The following DNAH8 variants were observed in gnomAD, a reference collection of about 807,000 sequenced individuals.
DNAH8 encodes axonemal beta dynein heavy chain 8.
In DNAH8, 382 loss-of-function variants were observed where a neutral mutation model predicts 562.1. The observed-to-expected ratio is 0.68, with a 90% CI of 0.63 to 0.74. The LOEUF (loss-of-function observed/expected upper bound fraction) is 0.74. Ranked by LOEUF, DNAH8 falls within the 30% of genes least tolerant of loss-of-function variation. The probability of loss-of-function intolerance (pLI) is 0.00; values close to 1 mark genes in which losing one functional copy is unlikely to be tolerated. For missense variants in DNAH8, 5,203 were observed against 5,620.4 expected (o/e 0.93, Z 2.37); for synonymous variants, 1,881 against 1,919.4 (o/e 0.98, Z 0.52).
At chr6:38,880,642 A>C (rs1392765912) in intron 53 of DNAH8, among the ~76,000 whole-genome samples, 1 of 152,238 alleles carries the variant, frequency 6.6e-6, no homozygotes, top group East Asian at 1.9e-4. Flanking sequence ...AGGAAATTTC[A>C]GTTGATACTT....
At chr6:38,972,352 T>A (rs1405774561) in intron 83 of DNAH8, among the ~76,000 whole-genome samples, 5 of 152,062 alleles carry the variant, frequency 3.3e-5, no homozygotes, top group Non-Finnish European at 5.9e-5. Flanking sequence ...CTAGAGAGGG[T>A]TAATGGGCTA....
intron 71 of DNAH8, 21 bp downstream of exon 71, chr6:38,921,527 T>C: frequency 1.2e-6 from 2 of 1,606,470 alleles, no homozygotes; most frequent in Non-Finnish European, 1.7e-6. Context: ...ACATAAAAAA[T>C]CCCCAAAATG....
At chr6:38,769,958 A>AT (rs1193696196) in intron 11 of DNAH8, among the ~76,000 whole-genome samples, 1 of 152,242 alleles carries the variant, frequency 6.6e-6, no homozygotes, top group Non-Finnish European at 1.5e-5. Flanking sequence ...CCAGACCAGT[A>AT]TATCTGTAGT....
At chr6:38,758,725 G>A (rs1766181046) in intron 10 of DNAH8, among the ~76,000 whole-genome samples, 1 of 152,124 alleles carries the variant, frequency 6.6e-6, no homozygotes, top group Non-Finnish European at 1.5e-5. Context: ...TTTATTGAGA[G>A]TTTTTATCAT....
intron 27 of DNAH8, among the ~76,000 whole-genome samples, chr6:38,823,253 C>T (rs900230722): frequency 6.6e-6 from 1 of 152,164 alleles, no homozygotes; most frequent in African/African-American, 2.4e-5. Context: ...GTTCAATTTC[C>T]TTAAACAATT....
Position 38,898,296 on chromosome 6 carries a change from T to C in DNAH8, c.8979T>C (p.Phe2993=), listed in dbSNP as rs754038653. ...SFDFLAEKLQ[F]YQRQFNEIIR... ...ACTTTCTGGCTGAAAAACTCCAGTT[T>C]TACCAGAGACAGTTCAATGAAATCA... The change falls in exon 61 of 93, where the codon TTT becomes TTC. Residue 2993 remains phenylalanine, a synonymous_variant. Coordinates refer to ENST00000327475, the MANE Select transcript of DNAH8 (RefSeq NM_001206927.2). 1 of 1,591,556 alleles carries C rather than the reference T, an allele frequency of 6.3e-7. No homozygotes were observed. Among genetic ancestry groups the C allele is most frequent in the East Asian group, 2.3e-5 (1 of 43,580 alleles).
chr6:38,996,945 GGTAGAAGGCCCTGGACCCCTGCCTAA>G (rs545155559), intron 88 of DNAH8, among the ~76,000 whole-genome samples: 1,825 of 152,238 alleles, frequency 0.012, 31 homozygotes, highest in East Asian at 0.06. Flanking sequence ...AGTGAGGTCA[GGTAGAAGGCCCTGGACCCCTGCCTAA>G]AATGGGGGAG....
chr6:38,737,842 T>C lies in DNAH8; in HGVS notation c.986T>C (p.Leu329Ser), dbSNP rs780454556. The change falls in exon 7 of 93, where the codon TTA (leucine) becomes TCA (serine). Residue 329 changes from leucine to serine, a missense_variant. Physicochemically the swap from Leu to Ser is moderately radical, Grantham distance 145 (BLOSUM62 -2). This residue lies in a region of DNAH8 where 556 missense variants were observed against 496.9 expected (regional missense o/e 1.12). Coordinates refer to ENST00000327475, the MANE Select transcript of DNAH8 (RefSeq NM_001206927.2). The stretch of plus-strand genomic sequence containing the variant: ...ATAAGTATTGAGGGAACAGTGAAGT[T>C]AAAGACAATAGACAATGTTAATTTT... The part of the protein sequence containing the change: ...ARISIEGTVK[L>S]KTIDNVNFSK... 6.4e-7 allele frequency: 1 copy of C among 1,570,282 alleles called. No individual in the cohort carries two copies. Among genetic ancestry groups the C allele is most frequent in the Non-Finnish European group, 8.6e-7 (1 of 1,161,886 alleles).
At chr6:38,906,477 C>A in intron 63 of DNAH8, 70 bp downstream of exon 63, 3 of 1,247,748 alleles carry the variant, frequency 2.4e-6, no homozygotes, top group Non-Finnish European at 2.1e-6. Flanking sequence ...GAAAAAGCAG[C>A]AACCTTTCAA....
chr6:38,755,059 TTC>T (rs1765788376), intron 9 of DNAH8, among the ~76,000 whole-genome samples: 1 of 152,240 alleles, frequency 6.6e-6, no homozygotes, highest in African/African-American at 2.4e-5. Flanking sequence ...TACATTTTGT[TTC>T]TCTCTTTTTC....
chr6:39,014,820 C>A (rs576053330), intron 91 of DNAH8, among the ~76,000 whole-genome samples: 1 of 152,032 alleles, frequency 6.6e-6, no homozygotes, highest in African/African-American at 2.4e-5. Context: ...AAAAATCTTC[C>A]GGGGCCTCAG....
chr6:39,028,316 C>T (rs1053476938), intron 92 of DNAH8, among the ~76,000 whole-genome samples: 3 of 152,172 alleles, frequency 2.0e-5, no homozygotes, highest in African/African-American at 7.2e-5. Flanking sequence ...GATCTATTCT[C>T]TCATTGCTTA....
chr6:38,734,383 A>C, intron 4 of DNAH8, 91 bp from the exon 5 acceptor site: 15 of 1,410,548 alleles, frequency 1.1e-5, no homozygotes, highest in Non-Finnish European at 1.4e-5. Flanking sequence ...CAATAAAGTA[A>C]AACAGGAAAC....
chr6:38,909,839 T>C, intron 65 of DNAH8, 95 bp downstream of exon 65: 1 of 983,368 alleles, frequency 1.0e-6, no homozygotes, highest in Non-Finnish European at 1.5e-6. Flanking sequence ...CTCTTTCTAT[T>C]CATTGAGCAC....
At chr6:38,742,940 T>C (rs541625202) in intron 8 of DNAH8, among the ~76,000 whole-genome samples, 1 of 151,962 alleles carries the variant, frequency 6.6e-6, no homozygotes, top group Admixed American at 6.6e-5. Flanking sequence ...ATAGTATATC[T>C]TGGAGAGTTA....
intron 4 of DNAH8, 134 bp from the exon 5 acceptor site, chr6:38,734,340 A>G: frequency 1.3e-6 from 1 of 782,526 alleles, no homozygotes; most frequent in Non-Finnish European, 1.7e-6. Flanking sequence ...CCCCCCAAAA[A>G]AATTATTCTA....
intron 37 of DNAH8, among the ~76,000 whole-genome samples, chr6:38,849,118 C>T (rs1371525222): frequency 6.6e-6 from 1 of 152,076 alleles, no homozygotes; most frequent in African/African-American, 2.4e-5. Flanking sequence ...AAGTGCTGAC[C>T]TCTGATTAGC....
intron 21 of DNAH8, among the ~76,000 whole-genome samples, chr6:38,799,860 A>G (rs1412176728): frequency 1.3e-5 from 2 of 152,138 alleles, no homozygotes; most frequent in Non-Finnish European, 2.9e-5. Context: ...ATCATACAAT[A>G]TATGTTCTTT....
chr6:39,008,603 C>T (rs1765955733), intron 88 of DNAH8, among the ~76,000 whole-genome samples: 1 of 146,484 alleles, frequency 6.8e-6, no homozygotes, highest in African/African-American at 2.5e-5. Context: ...TGTTTCATTT[C>T]AGTGATGTTC....
Sources: allele counts gnomAD v4.1 joint callset (sites outside exome capture counted in the v4.1 genomes callset), GRCh38; gene constraint gnomAD v4.1.1; regional missense constraint gnomAD v4.1.1; transcripts MANE v1.5; gene names NCBI Gene and HGNC (gene_info 2026-07-23, HGNC 2026-07-21).